Variants in RASAL2 observed in about 807,000 individuals in gnomAD.
RASAL2 encodes ras GTPase-activating protein nGAP.
RASAL2 carries 58 observed loss-of-function variants against 128.9 expected under a neutral mutation model. The ratio of observed to expected loss-of-function variants is 0.45; its 90% CI spans 0.36 to 0.56. The LOEUF (loss-of-function observed/expected upper bound fraction) is 0.56, where lower values mean the gene tolerates loss of function less well. Ranked by LOEUF, RASAL2 falls within the 20% of genes least tolerant of loss-of-function variation. The pLI is 0.00. For synonymous variants in RASAL2, 561 were observed against 580.8 expected (o/e 0.97, Z 0.49); for missense variants, 1,360 against 1,601.6 (o/e 0.85, Z 2.57).
rs575296103 is a variant in RASAL2, at chr1:178,452,097, A to T, written c.1773-319A>T. 5.3e-5 allele frequency among the ~76,000 whole-genome samples: 8 copies of T among 152,298 alleles called. 1 individual carries two copies. The East Asian group carries it at 1.5e-3, about 29-fold the overall frequency. ...AAATTTTGGAAGATTTTTGATAAAC[A>T]GTCTTTAGAGAGATTATGGTGAGTT... is the stretch of plus-strand genomic sequence containing the variant. On this transcript the variant is annotated intron_variant, in intron 10 of 17. Transcript: ENST00000367649.
chr1:178,238,493 A>G (rs761302612), intron 1 of RASAL2, among the ~76,000 whole-genome samples: 2 of 152,098 alleles, frequency 1.3e-5, no homozygotes, highest in Non-Finnish European at 2.9e-5. Flanking sequence ...TGTGACCTTA[A>G]GTCACATTAA....
At chr1:178,162,377 ATTTATATATTATATATATTATATAT>A (rs1661343734) in intron 1 of RASAL2, among the ~76,000 whole-genome samples, 1 of 120,246 alleles carries the variant, frequency 8.3e-6, no homozygotes, top group Non-Finnish European at 1.6e-5. Flanking sequence ...TATAATATAT[ATTTATATATTATATATATTATATAT>A]TTTATATATT....
intron 3 of RASAL2, 136 bp downstream of exon 3, chr1:178,300,254 T>G (rs898201094): frequency 1.0e-6 from 1 of 988,428 alleles, no homozygotes; most frequent in African/African-American, 1.6e-5. Flanking sequence ...AAGCGAGAGT[T>G]AGAGGTCATT....
chr1:178,190,242 A>T (rs1662446037), intron 1 of RASAL2, among the ~76,000 whole-genome samples: 1 of 142,208 alleles, frequency 7.0e-6, no homozygotes, highest in Non-Finnish European at 1.5e-5. Context: ...TTGGCTGACT[A>T]CTTGGTTTTC....
At chr1:178,171,532 C>T (rs561216529) in intron 1 of RASAL2, among the ~76,000 whole-genome samples, 1 of 151,944 alleles carries the variant, frequency 6.6e-6, no homozygotes, top group Non-Finnish European at 1.5e-5. Context: ...CCTATTCAGA[C>T]AATATTTTAC....
At chr1:178,160,004 G>A (rs1318886038) in intron 1 of RASAL2, among the ~76,000 whole-genome samples, 1 of 150,868 alleles carries the variant, frequency 6.6e-6, no homozygotes, top group African/African-American at 2.4e-5. Flanking sequence ...TCAGCCTCTA[G>A]GAAAATTATT....
intron 1 of RASAL2, among the ~76,000 whole-genome samples, chr1:178,153,257 A>G (rs1434427796): frequency 6.6e-6 from 1 of 152,204 alleles, no homozygotes; most frequent in Non-Finnish European, 1.5e-5. Flanking sequence ...AGTTAGATCC[A>G]CAAGCTTAAT....
At position 178,420,508 on chromosome 1, in the gene RASAL2, T is replaced by C. The variant is rs1402065702; in HGVS notation, c.565-3T>C. Reference sequence around the variant, plus strand: ...TCCCATCACCTTCTGCCTTTCCTTCTAGGGATTCTTCAGCAAGCGCCTGAA... The same window carrying C: ...TCCCATCACCTTCTGCCTTTCCTTCCAGGGATTCTTCAGCAAGCGCCTGAA... On this transcript the variant is annotated splice_region_variant and splice_polypyrimidine_tract_variant and intron_variant, in intron 4 of 17. Coordinates refer to ENST00000367649, the MANE Select transcript of RASAL2 (RefSeq NM_170692.4). The C allele has an allele frequency of 6.2e-7, 1 of 1,600,178 alleles. No homozygotes were observed. The highest frequency in any genetic ancestry group is 2.2e-5 in the East Asian group (1 of 44,716).
intron 1 of RASAL2, among the ~76,000 whole-genome samples, chr1:178,269,859 C>A (rs1048264423): frequency 6.6e-6 from 1 of 152,150 alleles, no homozygotes; most frequent in African/African-American, 2.4e-5. Flanking sequence ...TGCGGACTCG[C>A]CCTGAATTCT....
intron 3 of RASAL2, among the ~76,000 whole-genome samples, chr1:178,383,020 G>T (rs933845805): frequency 6.6e-6 from 1 of 152,158 alleles, no homozygotes; most frequent in Admixed American, 6.5e-5. Flanking sequence ...TGGAATACTT[G>T]TGGGTGGTAT....
chr1:178,257,697 T>G (rs1475519901), intron 1 of RASAL2, among the ~76,000 whole-genome samples: 5 of 151,600 alleles, frequency 3.3e-5, no homozygotes, highest in Admixed American at 3.3e-4. Flanking sequence ...ATACAAAAAA[T>G]TAGGCTTGGT....
chr1:178,320,657 A>G (rs769914551), intron 3 of RASAL2, among the ~76,000 whole-genome samples: 4 of 152,076 alleles, frequency 2.6e-5, no homozygotes, highest in Non-Finnish European at 5.9e-5. Context: ...TGGCTCGCAC[A>G]CGGTGCGCGC....
At chr1:178,169,985 T>C (rs1661652581) in intron 1 of RASAL2, among the ~76,000 whole-genome samples, 1 of 152,072 alleles carries the variant, frequency 6.6e-6, no homozygotes, top group South Asian at 2.1e-4. Context: ...TACATTTATT[T>C]CCACTTAATT....
chr1:178,158,438 A>G (rs1000712150), intron 1 of RASAL2, among the ~76,000 whole-genome samples: 8 of 152,194 alleles, frequency 5.3e-5, no homozygotes, highest in Admixed American at 5.2e-4. Flanking sequence ...TACTCCATGA[A>G]TGGTAGTGAT....
At chr1:178,114,688 A>G (rs1300002781) in intron 1 of RASAL2, among the ~76,000 whole-genome samples, 1 of 151,780 alleles carries the variant, frequency 6.6e-6, no homozygotes, top group Non-Finnish European at 1.5e-5. Flanking sequence ...CGCCCGGCTA[A>G]TTTTTTCTAT....
chr1:178,096,385 A>G (rs1658683336), intron 1 of RASAL2, among the ~76,000 whole-genome samples: 1 of 152,024 alleles, frequency 6.6e-6, no homozygotes, highest in Non-Finnish European at 1.5e-5. Flanking sequence ...TTCATTTGTA[A>G]GGACATAAAA....
At chr1:178,338,936 A>G (rs1422585311) in intron 3 of RASAL2, among the ~76,000 whole-genome samples, 1 of 152,184 alleles carries the variant, frequency 6.6e-6, no homozygotes, top group Non-Finnish European at 1.5e-5. Flanking sequence ...GGCAGCAGGG[A>G]CTTTGTCTTA....
chr1:178,235,021 T>C (rs149563795), intron 1 of RASAL2, among the ~76,000 whole-genome samples: 6 of 152,298 alleles, frequency 3.9e-5, no homozygotes, highest in African/African-American at 1.4e-4. Flanking sequence ...CATATATATT[T>C]TCTCCTTACT....
At chr1:178,352,073 A>G (rs1209177520) in intron 3 of RASAL2, among the ~76,000 whole-genome samples, 1 of 152,202 alleles carries the variant, frequency 6.6e-6, no homozygotes, top group East Asian at 1.9e-4. Flanking sequence ...TCATCAAAGG[A>G]ATCTTTGGCC....
Sources: allele counts gnomAD v4.1 joint callset (sites outside exome capture counted in the v4.1 genomes callset), GRCh38; gene constraint gnomAD v4.1.1; transcripts MANE v1.5; gene names NCBI Gene and HGNC (gene_info 2026-07-23, HGNC 2026-07-21).